Variants in ROBO2 observed in about 807,000 individuals in gnomAD.
The protein encoded by ROBO2 is roundabout homolog 2.
A neutral mutation model predicts 160.8 loss-of-function variants in ROBO2; 53 were observed. That is an observed-to-expected ratio of 0.33 (90% CI 0.26 to 0.41). The LOEUF (loss-of-function observed/expected upper bound fraction) is 0.41, where lower values mean the gene tolerates loss of function less well. ROBO2 is among the 10% of genes least tolerant of loss of function. The pLI, the probability that ROBO2 is intolerant of heterozygous loss-of-function variation, is 1.00. For synonymous variants in ROBO2, 664 were observed against 611.7 expected (o/e 1.09, Z -1.26); for missense variants, 1,577 against 1,722.4 (o/e 0.92, Z 1.49).
chr3:76,661,040 A>G (rs188618249), intron 2 of ROBO2, among the ~76,000 whole-genome samples: 255 of 152,298 alleles, frequency 1.7e-3, no homozygotes, highest in Non-Finnish European at 3.2e-3. Context: ...TGAGAAATGA[A>G]TAATAGCCAG....
chr3:76,721,930 G>A (rs750090625), intron 2 of ROBO2, among the ~76,000 whole-genome samples: 1 of 152,154 alleles, frequency 6.6e-6, no homozygotes, highest in South Asian at 2.1e-4. Context: ...CATTGCCAAG[G>A]GGGTAGAGTT....
exon 26 of ROBO2, chr3:77,649,316 T>C (rs1243434270): frequency 6.6e-6 from 1 of 152,200 alleles, no homozygotes; most frequent in African/African-American, 2.4e-5. Context: ...TTCAACAGGA[T>C]TTGAGTTGAA....
chr3:75,977,797 T>C (rs2065171561), intron 2 of ROBO2, among the ~76,000 whole-genome samples: 1 of 151,558 alleles, frequency 6.6e-6, no homozygotes, highest in Admixed American at 6.6e-5. Flanking sequence ...TTTCTGCTAT[T>C]GATTATTTTC....
chr3:76,534,216 T>C (rs1352410431), intron 2 of ROBO2, among the ~76,000 whole-genome samples: 2 of 152,104 alleles, frequency 1.3e-5, no homozygotes, highest in Non-Finnish European at 2.9e-5. Flanking sequence ...GTTAATTTAG[T>C]AAATTTCAGG....
chr3:76,241,489 T>C (rs1705283828), intron 2 of ROBO2, among the ~76,000 whole-genome samples: 1 of 152,196 alleles, frequency 6.6e-6, no homozygotes, highest in South Asian at 2.1e-4. Flanking sequence ...TATACTTGTA[T>C]GTTTGAAGTT....
At chr3:77,144,076 T>G (rs1392855066) in intron 2 of ROBO2, among the ~76,000 whole-genome samples, 2 of 152,226 alleles carry the variant, frequency 1.3e-5, no homozygotes, top group African/African-American at 4.8e-5. Context: ...CAACCTTTCC[T>G]TTTGTAATTC....
At chr3:76,559,522 C>T (rs1319317648) in intron 2 of ROBO2, among the ~76,000 whole-genome samples, 4 of 151,990 alleles carry the variant, frequency 2.6e-5, no homozygotes, top group Non-Finnish European at 5.9e-5. Context: ...AATGTACAAA[C>T]TTTTTGAAGA....
chr3:76,036,743 ATCT>A (rs2067122284), intron 2 of ROBO2, among the ~76,000 whole-genome samples: 1 of 151,694 alleles, frequency 6.6e-6, no homozygotes, highest in Non-Finnish European at 1.5e-5. Flanking sequence ...ACCTCAGGTG[ATCT>A]GCCCACCTCG....
chr3:77,273,915 A>C (rs899863877), intron 2 of ROBO2, among the ~76,000 whole-genome samples: 1 of 152,110 alleles, frequency 6.6e-6, no homozygotes, highest in Non-Finnish European at 1.5e-5. Flanking sequence ...TTGCCTGAAA[A>C]TTATATCCAA....
chr3:77,528,076 T>G (rs2091335205), intron 6 of ROBO2, among the ~76,000 whole-genome samples: 1 of 151,632 alleles, frequency 6.6e-6, no homozygotes, highest in Non-Finnish European at 1.5e-5. Flanking sequence ...TTTGCAGATA[T>G]TTAAGTGGTA....
chr3:76,443,682 G>C (rs1411060765), intron 2 of ROBO2, among the ~76,000 whole-genome samples: 1 of 152,060 alleles, frequency 6.6e-6, no homozygotes, highest in Non-Finnish European at 1.5e-5. Flanking sequence ...TTTTTTTAGA[G>C]GCCACCTGCA....
intron 2 of ROBO2, among the ~76,000 whole-genome samples, chr3:76,307,382 A>G (rs2071380847): frequency 6.6e-6 from 1 of 152,090 alleles, no homozygotes; most frequent in Admixed American, 6.6e-5. Flanking sequence ...CTTCCTAACC[A>G]TTCTTTATGG....
chr3:76,388,117 C>A (rs748182177), intron 2 of ROBO2, among the ~76,000 whole-genome samples: 1 of 152,072 alleles, frequency 6.6e-6, no homozygotes, highest in Non-Finnish European at 1.5e-5. Flanking sequence ...GGGTCACCAA[C>A]CTGCAACTTG....
chr3:76,082,756 C>G (rs2068876416), intron 2 of ROBO2, among the ~76,000 whole-genome samples: 2 of 152,012 alleles, frequency 1.3e-5, no homozygotes, highest in East Asian at 3.9e-4. Context: ...TTATCATTTT[C>G]CCACTAGTAT....
chr3:77,159,485 G>A (rs1184605042), intron 2 of ROBO2, among the ~76,000 whole-genome samples: 5 of 152,088 alleles, frequency 3.3e-5, no homozygotes, highest in African/African-American at 4.8e-5. Flanking sequence ...CTTCCATAGT[G>A]GATTTCCACA....
At chr3:77,399,862 C>G (rs1420770086) in intron 2 of ROBO2, among the ~76,000 whole-genome samples, 1 of 152,114 alleles carries the variant, frequency 6.6e-6, no homozygotes, top group Non-Finnish European at 1.5e-5. Flanking sequence ...CCCTAAGTAA[C>G]CTGCCTAACT....
In ROBO2 at chr3:76,686,443, C is replaced by G. The variant is rs893597865; in HGVS notation, c.110-411571C>G. Among the ~76,000 whole-genome samples, 6 of 149,520 alleles carry G rather than the reference C, an allele frequency of 4.0e-5. No individual in the cohort carries two copies. In the East Asian group the frequency reaches 1.2e-3, roughly 29 times the overall value. On this transcript the variant is annotated intron_variant, in intron 2 of 26. Transcript: ENST00000487694. Reference sequence around the variant, plus strand: ...GCTAAATTCTCATACACCAACAATCCTAATATTTTCCTGCTCATGGTTCCT... The same window carrying G: ...GCTAAATTCTCATACACCAACAATCGTAATATTTTCCTGCTCATGGTTCCT...
chr3:77,217,299 C>T lies in ROBO2; in HGVS notation c.388+118959C>T, dbSNP rs13320732. 4.6e-5 allele frequency among the ~76,000 whole-genome samples: 7 copies of T among 151,894 alleles called. No homozygotes were observed. The South Asian group carries it at 6.2e-4, about 14-fold the overall frequency. ...CTAAGACCACAGGTGCACATCACCA[C>T]GCCTGGCTACTTTTTGTATTTTTAG... On this transcript the variant is annotated intron_variant, in intron 2 of 25. Coordinates refer to ENST00000461745, the Ensembl canonical transcript of ROBO2.
At chr3:77,094,959 G>T (rs76289258) in intron 1 of ROBO2, among the ~76,000 whole-genome samples, 27 of 152,040 alleles carry the variant, frequency 1.8e-4, no homozygotes, top group Non-Finnish European at 3.4e-4. Flanking sequence ...TATATGATTT[G>T]CAGATTATTT....
Sources: gnomAD v4.1 joint callset for allele counts (sites outside exome capture counted in the v4.1 genomes callset) on GRCh38, gnomAD v4.1.1 for gene constraint, MANE v1.5 for transcripts, NCBI Gene and HGNC (gene_info 2026-07-23, HGNC 2026-07-21) for gene names.